The following DMBT1 variants were observed in gnomAD, a reference collection of about 807,000 sequenced individuals.
DMBT1 encodes deleted in malignant brain tumors 1, also known as scavenger receptor cysteine-rich domain-containing protein DMBT1.
A neutral mutation model predicts 252.9 loss-of-function variants in DMBT1; 198 were observed. The ratio of observed to expected loss-of-function variants is 0.78; its 90% CI spans 0.70 to 0.88. The LOEUF (loss-of-function observed/expected upper bound fraction) is 0.88, where lower values mean the gene tolerates loss of function less well. Among genes scored for constraint, DMBT1 ranks in the 40% least tolerant of loss-of-function variants. The pLI is 0.00. For synonymous variants in DMBT1, 990 were observed against 942.7 expected, an observed-to-expected ratio of 1.05 and a Z score of -0.92; for missense variants, 2,432 against 2,404.7, an observed-to-expected ratio of 1.01 and a Z score of -0.24.
At chr10:122,592,018 G>T (rs535760457) in intron 19 of DMBT1, among the ~76,000 whole-genome samples, 1 of 148,690 alleles carries the variant, frequency 6.7e-6, no homozygotes, top group African/African-American at 2.4e-5. Flanking sequence ...GTAGGGAGTG[G>T]GGTGTCCATT....
At chr10:122,635,520 T>C (rs1031441345) in intron 52 of DMBT1, among the ~76,000 whole-genome samples, 11 of 152,144 alleles carry the variant, frequency 7.2e-5, no homozygotes, top group Non-Finnish European at 1.3e-4. Context: ...GATTTAAGGA[T>C]ACCTATGACT....
chr10:122,592,161 A>G, intron 19 of DMBT1, 111 bp from the exon 20 acceptor site: 1 of 1,481,190 alleles, frequency 6.8e-7, no homozygotes, highest in Non-Finnish European at 9.1e-7. Flanking sequence ...TTCAATCGTG[A>G]CTGCTTGTCC....
Position 122,597,959 on chromosome 10 carries a change from C to G in DMBT1, c.2918-15C>G, listed in dbSNP as rs370661200. ...TCAACTTTAATTCTAGCCTTTGTCT[C>G]TGTTGCAATTACAGACACATTGCCG... On this transcript the variant is annotated splice_polypyrimidine_tract_variant and intron_variant, in intron 24 of 55. Transcript: ENST00000338354. 2.5e-6 allele frequency: 4 copies of G among 1,613,926 alleles called. No homozygotes were observed. The highest frequency in any genetic ancestry group is 1.1e-5 in the South Asian group (1 of 91,080).
intron 26 of DMBT1, 84 bp downstream of exon 26, chr10:122,599,181 C>T: frequency 6.3e-7 from 1 of 1,598,616 alleles, no homozygotes; most frequent in East Asian, 2.2e-5. Flanking sequence ...GATCTCCTCA[C>T]TCAAAGCTTC....
chr10:122,633,113 T>G, intron 51 of DMBT1, 78 bp from the exon 52 acceptor site: 2 of 1,541,510 alleles, frequency 1.3e-6, no homozygotes, highest in Non-Finnish European at 1.7e-6. Flanking sequence ...TAAAGTAATT[T>G]AAATTTAAAG....
intron 52 of DMBT1, among the ~76,000 whole-genome samples, chr10:122,634,178 T>G (rs1487043038): frequency 6.6e-6 from 1 of 152,148 alleles, no homozygotes; most frequent in Non-Finnish European, 1.5e-5. Context: ...TGTATCTGTT[T>G]TGTGGAACCC....
chr10:122,573,672 C>G, intron 5 of DMBT1, 43 bp from the exon 6 acceptor site: 1 of 1,608,934 alleles, frequency 6.2e-7, no homozygotes, highest in Non-Finnish European at 8.5e-7. Context: ...CCTCCCCAAG[C>G]GAGGGCTACG....
rs117155130 is a variant in DMBT1 at position 122,597,501 on chromosome 10, A to G, written c.2917+447A>G. Among the ~76,000 whole-genome samples the G allele has an allele frequency of 1.6e-3, 240 of 152,220 alleles. 1 individual carries two copies. Among genetic ancestry groups the G allele is most frequent in the Middle Eastern group, 0.014 (4 of 294 alleles). Reference sequence around the variant, plus strand: ...ACACCTCCCTTCCTCACTCCTTCCAACACCCCAGATTCTGCAGGGCTACAT... The same window carrying G: ...ACACCTCCCTTCCTCACTCCTTCCAGCACCCCAGATTCTGCAGGGCTACAT... On this transcript the variant is annotated intron_variant, in intron 24 of 55. Transcript: ENST00000338354.
chr10:122,618,973 A>T (rs758786517), intron 41 of DMBT1, among the ~76,000 whole-genome samples: 1 of 152,208 alleles, frequency 6.6e-6, no homozygotes, highest in Non-Finnish European at 1.5e-5. Flanking sequence ...GGGCTGTAAG[A>T]TCACACAAGG....
intron 44 of DMBT1, among the ~76,000 whole-genome samples, chr10:122,624,011 G>A (rs758539860): frequency 6.6e-6 from 1 of 152,232 alleles, no homozygotes; most frequent in Non-Finnish European, 1.5e-5. Flanking sequence ...TTGAAGGCAA[G>A]CTGTGGGTTT....
chr10:122,617,566 G>A (rs1442938443), intron 40 of DMBT1, among the ~76,000 whole-genome samples: 1 of 151,562 alleles, frequency 6.6e-6, no homozygotes, highest in Non-Finnish European at 1.5e-5. Context: ...CTCTGACCAC[G>A]CACTGCAGAC....
In DMBT1 at chr10:122,617,881, C is replaced by T. The variant is rs542199017; in HGVS notation, c.4892-136C>T. The stretch of plus-strand genomic sequence containing the variant: ...TTTCCCTATGATAAAGCTGAACCTC[C>T]GGTAGCAGTTGTATGCAATTGTGAC... On this transcript the variant is annotated intron_variant, in intron 40 of 55. Coordinates refer to ENST00000338354, the MANE Select transcript of DMBT1 (RefSeq NM_001377530.1). The T allele has an allele frequency of 2.2e-4, 323 of 1,453,304 alleles. 3 individuals carry two copies. Among genetic ancestry groups the T allele is most frequent in the Non-Finnish European group, 2.7e-4 (291 of 1,067,534 alleles). The allele number at this position is 1,453,304 out of a possible 1,614,324, so 90.0% of individuals were successfully genotyped here.
In DMBT1 at chr10:122,618,349, T is replaced by G. The variant is rs767726566; in HGVS notation, c.5215+9T>G. ...TGGTGTCATCTGCTCAGGTGGGCTT[T>G]CAAGACCTTGGGCTCCCTCTCTTAA... is the stretch of plus-strand genomic sequence containing the variant. On this transcript the variant is annotated intron_variant, in intron 41 of 55. Coordinates refer to ENST00000338354, the MANE Select transcript of DMBT1 (RefSeq NM_001377530.1). 8.1e-6 allele frequency: 13 copies of G among 1,613,746 alleles called. No individual in the cohort carries two copies. Among genetic ancestry groups the G allele is most frequent in the Non-Finnish European group, 1.1e-5 (13 of 1,179,770 alleles).
chr10:122,600,270 G>C lies in DMBT1; in HGVS notation c.3310+177G>C, dbSNP rs960835971. ...CACAGCGCTTTTTAAACACACACAGGATTGAGGAGGCCTCTGTCTTCTTTT... is the reference window on the plus strand; with the variant it reads ...CACAGCGCTTTTTAAACACACACAGCATTGAGGAGGCCTCTGTCTTCTTTT... On this transcript the variant is annotated intron_variant, in intron 27 of 55. Transcript: ENST00000338354. Among the ~76,000 whole-genome samples, 18 of 150,326 alleles carry C rather than the reference G, an allele frequency of 1.2e-4. 1 individual carries two copies. The highest frequency in any genetic ancestry group is 4.2e-4 in the African/African-American group (17 of 40,222).
chr10:122,560,909 A>G (rs1273580760), intron 1 of DMBT1, 78 bp downstream of exon 1: 1 of 1,119,832 alleles, frequency 8.9e-7, no homozygotes, highest in Non-Finnish European at 1.3e-6. Flanking sequence ...ACTACTTTCC[A>G]TTACAAGGGA....
At chr10:122,569,888 G>A (rs1406356791) in intron 2 of DMBT1, among the ~76,000 whole-genome samples, 1 of 152,222 alleles carries the variant, frequency 6.6e-6, no homozygotes, top group Non-Finnish European at 1.5e-5. Flanking sequence ...ACTAGGATGG[G>A]GCTATGAGTG....
chr10:122,620,061 C>G (rs753786965), intron 42 of DMBT1, among the ~76,000 whole-genome samples, 192 bp from the exon 43 acceptor site: 1 of 152,206 alleles, frequency 6.6e-6, no homozygotes, highest in Non-Finnish European at 1.5e-5. Flanking sequence ...TAGGAGGGAT[C>G]GAACTGGTCT....
In DMBT1 at chr10:122,598,847, C is replaced by G. The variant is rs2097911015; in HGVS notation, c.3030C>G (p.Tyr1010Ter). 6.2e-7 allele frequency: 1 copy of G among 1,613,614 alleles called. No homozygotes were observed. Among genetic ancestry groups the G allele is most frequent in the Non-Finnish European group, 8.5e-7 (1 of 1,179,770 alleles). ...GTCAGGGCCGAGTGGAGGTCCTATA[C>G]CAAGGCTCCTGGGGCACCGTGTGCG... ...DRCQGRVEVL[Y>*]QGSWGTVCDD... Residue 1010 changes from tyrosine (Y) to a stop codon, truncating the protein, a stop_gained, in exon 26 of 56, where the codon TAC (tyrosine) becomes TAG (stop). Coordinates refer to ENST00000338354, the MANE Select transcript of DMBT1 (RefSeq NM_001377530.1). LOFTEE classifies it high-confidence loss of function.
intron 7 of DMBT1, 82 bp from the exon 8 acceptor site, chr10:122,577,729 G>A: frequency 1.9e-6 from 3 of 1,543,136 alleles, no homozygotes; most frequent in Non-Finnish European, 2.7e-6. Context: ...TCAGGGTGTA[G>A]ATACCCCAAG....
Sources: allele counts gnomAD v4.1 joint callset (sites outside exome capture counted in the v4.1 genomes callset), GRCh38; gene constraint gnomAD v4.1.1; transcripts MANE v1.5; gene names NCBI Gene and HGNC (gene_info 2026-07-23, HGNC 2026-07-21).